ICA1L: variants seen among roughly 807,000 people sequenced by gnomAD.
ICA1L encodes the protein islet cell autoantigen 1-like protein.
Under a neutral mutation model 61.3 loss-of-function variants are expected in ICA1L, and 50 were observed. That is an observed-to-expected ratio of 0.82 (90% CI 0.65 to 1.03). The LOEUF is 1.03. Ranked by LOEUF, ICA1L falls within the 50% of genes least tolerant of loss-of-function variation. The pLI, the probability that ICA1L is intolerant of heterozygous loss-of-function variation, is 0.00. For synonymous variants in ICA1L, 161 were observed against 191.3 expected, an observed-to-expected ratio of 0.84 and a Z score of 1.31; for missense variants, 508 against 556.7, an observed-to-expected ratio of 0.91 and a Z score of 0.88.
intron 1 of ICA1L, among the ~76,000 whole-genome samples, chr2:202,847,343 A>G (rs1165849744): frequency 6.6e-6 from 1 of 152,204 alleles, no homozygotes; most frequent in Non-Finnish European, 1.5e-5. Context: ...CATCTGTGAC[A>G]TCTTGAATCT....
intron 9 of ICA1L, among the ~76,000 whole-genome samples, chr2:202,810,613 G>C (rs1033646487): frequency 1.3e-5 from 2 of 152,050 alleles, no homozygotes; most frequent in Non-Finnish European, 2.9e-5. Flanking sequence ...CTTGAAAAAA[G>C]AACAGGATAA....
At position 202,817,460 on chromosome 2, in the gene ICA1L, A is replaced by G. The variant is rs1202217613; in HGVS notation, c.642T>C (p.Ala214=). ...DVCQKVDLLG[A]SRCNMLSHSL... ...AATGAGATAGCATATTGCAGCGACT[A>G]GCTCCAAGTAAATCCACTTTCTGAC... The change falls in exon 6 of 13, where the codon GCT becomes GCC. Residue 214 remains alanine, a synonymous_variant. Transcript: ENST00000358299. The G allele has an allele frequency of 1.2e-6, 2 of 1,611,304 alleles. No homozygotes were observed. The highest frequency in any genetic ancestry group is 1.7e-6 in the Non-Finnish European group (2 of 1,178,358).
chr2:202,843,126 A>G (rs1194124461), intron 1 of ICA1L, among the ~76,000 whole-genome samples: 1 of 152,160 alleles, frequency 6.6e-6, no homozygotes, highest in Non-Finnish European at 1.5e-5. Flanking sequence ...GGCAGTTTAT[A>G]TATGTCCATT....
chr2:202,831,796 G>A (rs189278871), intron 1 of ICA1L, among the ~76,000 whole-genome samples: 120 of 152,324 alleles, frequency 7.9e-4, no homozygotes, highest in African/African-American at 2.7e-3. Context: ...CACATTTGTG[G>A]TTTTTATGAC....
At chr2:202,850,280 G>A (rs573211135) in intron 1 of ICA1L, among the ~76,000 whole-genome samples, 1 of 152,290 alleles carries the variant, frequency 6.6e-6, no homozygotes, top group South Asian at 2.1e-4. Context: ...ACTGGACGGA[G>A]AATGAGTTTG....
At chr2:202,836,800 T>TATATATAGATATAG (rs1462443281) in intron 1 of ICA1L, among the ~76,000 whole-genome samples, 1 of 145,790 alleles carries the variant, frequency 6.9e-6, no homozygotes, top group Non-Finnish European at 1.5e-5. Context: ...TATATCTATA[T>TATATATAGATATAG]ATATAGATAT....
At chr2:202,781,542 C>CCAG (rs1692405411) in intron 12 of ICA1L, among the ~76,000 whole-genome samples, 1 of 151,124 alleles carries the variant, frequency 6.6e-6, no homozygotes, top group African/African-American at 2.4e-5. Flanking sequence ...CCACTGCACT[C>CCAG]CAGCCTGGGT....
intron 1 of ICA1L, among the ~76,000 whole-genome samples, chr2:202,866,181 T>C (rs532592788): frequency 6.6e-5 from 10 of 152,278 alleles, no homozygotes; most frequent in African/African-American, 2.2e-4. Flanking sequence ...ATATTGGAGG[T>C]TGGGCCTTCT....
intron 10 of ICA1L, among the ~76,000 whole-genome samples, chr2:202,791,151 T>G (rs1692735767): frequency 6.6e-6 from 1 of 152,188 alleles, no homozygotes; most frequent in Admixed American, 6.5e-5. Flanking sequence ...CACCACAAAT[T>G]TCAGTGGCCT....
At chr2:202,813,935 A>T (rs72932763) in intron 8 of ICA1L, among the ~76,000 whole-genome samples, 14,007 of 152,084 alleles carry the variant, frequency 0.092, 766 homozygotes, top group Non-Finnish European at 0.13. Context: ...CTAGCTACCC[A>T]TTTCAAGAGT....
chr2:202,805,107 C>T (rs1693190301), intron 9 of ICA1L, among the ~76,000 whole-genome samples: 2 of 152,150 alleles, frequency 1.3e-5, no homozygotes, highest in African/African-American at 2.4e-5. Context: ...AGAAGCTAGA[C>T]ATGACAAGAC....
rs192181074 is a variant in ICA1L at position 202,858,918 on chromosome 2, T to C, written c.-8+12701A>G. ...CTATGAAGTTCATACAATGACAAAA[T>C]TGCCTAAGGACACATTTCTCAGGAC... On this transcript the variant is annotated intron_variant, in intron 1 of 12. Transcript: ENST00000358299. Among the ~76,000 whole-genome samples the C allele has an allele frequency of 8.9e-4, 135 of 152,290 alleles. 2 individuals carry two copies. The highest frequency in any genetic ancestry group is 2.0e-3 in the Admixed American group (31 of 15,288).
At chr2:202,863,075 T>C (rs1451935219) in intron 1 of ICA1L, among the ~76,000 whole-genome samples, 1 of 151,528 alleles carries the variant, frequency 6.6e-6, no homozygotes, top group African/African-American at 2.4e-5. Flanking sequence ...GCAGATCACT[T>C]GAGGTCAGGA....
chr2:202,814,708 A>G lies in ICA1L; in HGVS notation c.860T>C (p.Leu287Pro). ...ATGACTTATGCCTGCTTACTTATTG[A>G]GCTGTTCAGTAAGAAAACCGCCTAT... ...EQIGGFLTEQ[L>P]NKLVLSDEEA... The change falls in exon 8 of 13, where the codon CTC becomes CCC. Residue 287 changes from leucine (L) to proline (P), a missense_variant. Leu to Pro is a moderately conservative substitution (Grantham distance 98). Coordinates refer to ENST00000358299, the MANE Select transcript of ICA1L (RefSeq NM_001288622.3). 6.2e-7 allele frequency: 1 copy of G among 1,610,366 alleles called. No homozygotes were observed. The highest frequency in any genetic ancestry group is 8.5e-7 in the Non-Finnish European group (1 of 1,176,716).
chr2:202,824,414 C>T (rs968392771), intron 3 of ICA1L, among the ~76,000 whole-genome samples: 1 of 151,876 alleles, frequency 6.6e-6, no homozygotes, highest in Non-Finnish European at 1.5e-5. Flanking sequence ...AAAAAAAATT[C>T]TGTCCTTAAG....
chr2:202,795,007 A>AC (rs1692879541), intron 10 of ICA1L, among the ~76,000 whole-genome samples: 1 of 25,154 alleles, frequency 4.0e-5, no homozygotes, highest in African/African-American at 1.4e-4. Flanking sequence ...TAAGAAAATA[A>AC]TAAAAAAAAA....
chr2:202,860,309 T>TAATAATAATAATAAA lies in ICA1L; in HGVS notation c.-8+11309_-8+11310insTTTATTATTATTATT, dbSNP rs1308145629. Reference sequence around the variant, plus strand: ...ATAATAATAATAATGATAATAATAATAAATGGGAAAATAGAAAAGGAACAC... The same window carrying TAATAATAATAATAAA: ...ATAATAATAATAATGATAATAATAATAATAATAATAATAAAAAATGGGAAAATAGAAAAGGAACAC... On this transcript the variant is annotated intron_variant, in intron 1 of 12. Transcript: ENST00000358299. 329 of 148,632 alleles carry TAATAATAATAATAAA rather than the reference T, an allele frequency of 2.2e-3. 1 individual carries two copies. The highest frequency in any genetic ancestry group is 0.013 in the East Asian group (65 of 5,114). The allele number at this position is 148,632 out of a possible 1,614,324, so 9.2% of individuals were successfully genotyped here.
intron 6 of ICA1L, 114 bp from the exon 7 acceptor site, chr2:202,816,123 GA>G (rs1370152836): frequency 1.4e-5 from 8 of 592,086 alleles, no homozygotes; most frequent in Non-Finnish European, 2.3e-5. Context: ...TAAGAAGCAG[GA>G]ACTAAATTCA....
At chr2:202,836,067 G>A (rs1011553216) in intron 1 of ICA1L, among the ~76,000 whole-genome samples, 1 of 152,034 alleles carries the variant, frequency 6.6e-6, no homozygotes, top group Non-Finnish European at 1.5e-5. Context: ...GAATGGAAGC[G>A]CTGAAAGTGG....
Sources: gnomAD v4.1 joint callset for allele counts (sites outside exome capture counted in the v4.1 genomes callset) on GRCh38, gnomAD v4.1.1 for gene constraint, MANE v1.5 for transcripts, NCBI Gene and HGNC (gene_info 2026-07-23, HGNC 2026-07-21) for gene names.